The following CRIM1 variants were observed in gnomAD, a reference collection of about 807,000 sequenced individuals.
The protein encoded by CRIM1 is cysteine rich transmembrane BMP regulator 1.
Under a neutral mutation model 116.4 loss-of-function variants are expected in CRIM1, and 32 were observed. That is an observed-to-expected ratio of 0.27 (90% CI 0.21 to 0.37). CRIM1 has a LOEUF of 0.37. Ranked by LOEUF, CRIM1 falls within the 10% of genes least tolerant of loss-of-function variation. The pLI is 1.00. For missense variants in CRIM1, 1,331 were observed against 1,354.8 expected (o/e 0.98, Z 0.28); for synonymous variants, 590 against 509.2 (o/e 1.16, Z -2.13).
At chr2:36,458,218 C>T (rs574858243) in intron 4 of CRIM1, among the ~76,000 whole-genome samples, 1 of 152,266 alleles carries the variant, frequency 6.6e-6, no homozygotes, top group South Asian at 2.1e-4. Flanking sequence ...CGAGCTGCCT[C>T]CTCTGCAGAA....
intron 2 of CRIM1, among the ~76,000 whole-genome samples, chr2:36,402,394 A>G (rs1160568226): frequency 6.6e-6 from 1 of 150,544 alleles, no homozygotes; most frequent in African/African-American, 2.4e-5. Flanking sequence ...AGGAGAGAAC[A>G]AGCTTGGTGT....
chr2:36,512,442 C>A, intron 10 of CRIM1, 48 bp downstream of exon 10: 3 of 1,558,700 alleles, frequency 1.9e-6, no homozygotes, highest in Admixed American at 1.7e-5. Flanking sequence ...CCAGGGGCAC[C>A]GAAACAAGGA....
At chr2:36,444,289 G>T (rs555995174) in intron 4 of CRIM1, among the ~76,000 whole-genome samples, 2 of 152,194 alleles carry the variant, frequency 1.3e-5, no homozygotes, top group Non-Finnish European at 2.9e-5. Context: ...CTACAGGAAG[G>T]TATATTTAGT....
chr2:36,446,332 T>C (rs1676240906), intron 4 of CRIM1, among the ~76,000 whole-genome samples: 1 of 152,220 alleles, frequency 6.6e-6, no homozygotes, highest in African/African-American at 2.4e-5. Context: ...TTGTATGTTT[T>C]CAGTTGATTC....
rs1467617334 is a variant in CRIM1, at chr2:36,355,837, C to G, written c.-456C>G. ...CCGCGGATCTTGTGCTGCGCCACCGCGCCCACTCGGCAGCTCGGGAGGCGG... is the reference window on the plus strand; with the variant it reads ...CCGCGGATCTTGTGCTGCGCCACCGGGCCCACTCGGCAGCTCGGGAGGCGG... On this transcript the variant is annotated 5_prime_UTR_variant, in exon 1 of 17. Coordinates refer to ENST00000280527, the MANE Select transcript of CRIM1 (RefSeq NM_016441.3). 1.3e-5 allele frequency: 2 copies of G among 151,402 alleles called. No homozygotes were observed. Among genetic ancestry groups the G allele is most frequent in the Non-Finnish European group, 2.9e-5 (2 of 67,908 alleles). 9.4% of individuals were successfully genotyped at this position (151,402 alleles called of 1,614,324 possible). A position where few individuals can be genotyped will look rare whatever the true frequency, so the allele number is the denominator to read the frequency against.
At chr2:36,524,415 C>T (rs1665617350) in intron 13 of CRIM1, among the ~76,000 whole-genome samples, 1 of 152,058 alleles carries the variant, frequency 6.6e-6, no homozygotes, top group Non-Finnish European at 1.5e-5. Flanking sequence ...AGCCAATATC[C>T]CCATAGTTAT....
chr2:36,477,314 C>T (rs1040153377), intron 6 of CRIM1, among the ~76,000 whole-genome samples: 3 of 152,112 alleles, frequency 2.0e-5, no homozygotes, highest in Non-Finnish European at 4.4e-5. Context: ...CCACAGGCAA[C>T]GTGAGATGTC....
In CRIM1 at chr2:36,479,549, C is replaced by T; in HGVS notation, c.1227C>T (p.Ile409=). The change falls in exon 7 of 17, where the codon ATC becomes ATT. Residue 409 remains isoleucine (I), a synonymous_variant. Transcript: ENST00000280527. ...CTGGCTGCTATGCCAATGGCCTGATCCTTGCCCACGGAGACCGGTGGCGGG... is the reference window on the plus strand; with the variant it reads ...CTGGCTGCTATGCCAATGGCCTGATTCTTGCCCACGGAGACCGGTGGCGGG... ...NPAGCYANGL[I]LAHGDRWRED... 6.2e-7 allele frequency: 1 copy of T among 1,614,226 alleles called. No homozygotes were observed. The highest frequency in any genetic ancestry group is 8.5e-7 in the Non-Finnish European group (1 of 1,180,042).
At chr2:36,489,819 G>C (rs908349543) in intron 7 of CRIM1, among the ~76,000 whole-genome samples, 1 of 152,104 alleles carries the variant, frequency 6.6e-6, no homozygotes, top group African/African-American at 2.4e-5. Flanking sequence ...GAAGAACAGG[G>C]GCCAGGCACA....
intron 6 of CRIM1, 116 bp from the exon 7 acceptor site, chr2:36,479,381 A>G (rs1038037655): frequency 1.0e-6 from 1 of 955,028 alleles, no homozygotes; most frequent in Non-Finnish European, 1.6e-6. Flanking sequence ...TCTGTTGATC[A>G]CAGTGGGAAT....
chr2:36,412,723 A>T (rs1023440240), intron 2 of CRIM1, among the ~76,000 whole-genome samples: 4 of 152,112 alleles, frequency 2.6e-5, no homozygotes, highest in African/African-American at 9.7e-5. Flanking sequence ...ATACATCTTA[A>T]ATTTATATAT....
intron 2 of CRIM1, among the ~76,000 whole-genome samples, chr2:36,409,596 T>C (rs1197624494): frequency 1.3e-5 from 2 of 152,194 alleles, no homozygotes; most frequent in East Asian, 1.9e-4. Context: ...CAAGGAGTTA[T>C]AATGAGGGTA....
At chr2:36,543,245 C>G (rs1013022441) in intron 14 of CRIM1, among the ~76,000 whole-genome samples, 2 of 152,032 alleles carry the variant, frequency 1.3e-5, no homozygotes, top group African/African-American at 4.8e-5. Context: ...GGTTTCTTTC[C>G]CTGGCTGGGT....
At chr2:36,378,180 G>A (rs1670462774) in intron 1 of CRIM1, among the ~76,000 whole-genome samples, 1 of 152,166 alleles carries the variant, frequency 6.6e-6, no homozygotes. Flanking sequence ...TAGCCTACTG[G>A]GCTTCTGTGT....
At position 36,356,666 on chromosome 2, in the gene CRIM1, C is replaced by A. The variant is rs1668829746; in HGVS notation, c.331+43C>A. 3 of 1,556,806 alleles carry A rather than the reference C, an allele frequency of 1.9e-6. No homozygotes were observed. Among genetic ancestry groups the A allele is most frequent in the Non-Finnish European group, 2.6e-6 (3 of 1,151,194 alleles). ...GGGCCCCCTCCCACCTGGCCTGCGC[C>A]GCCCCCTCGGCGCTGGTTGTGCCGA... On this transcript the variant is annotated intron_variant, in intron 1 of 16. Transcript: ENST00000280527. This position sits in a 1 kb window ranked among gnomAD's most constrained non-coding sequence, Gnocchi z 4.3.
chr2:36,375,834 A>C (rs760228409), intron 1 of CRIM1, among the ~76,000 whole-genome samples: 2 of 152,260 alleles, frequency 1.3e-5, no homozygotes, highest in Non-Finnish European at 2.9e-5. Flanking sequence ...CAAATTTAAC[A>C]GTTCAACCTT....
intron 2 of CRIM1, among the ~76,000 whole-genome samples, chr2:36,424,622 C>G (rs2124874594): frequency 6.6e-6 from 1 of 152,326 alleles, no homozygotes. Context: ...CTTTTAGTCT[C>G]TACTCCCAAC....
rs79652882 is a variant in CRIM1 at position 36,452,914 on chromosome 2, G to A, written c.869+10179G>A. 1.1e-3 allele frequency among the ~76,000 whole-genome samples: 171 copies of A among 152,262 alleles called. 1 individual carries two copies. In the Middle Eastern group the frequency reaches 0.034, roughly 30 times the overall value. On this transcript the variant is annotated intron_variant, in intron 4 of 16. Transcript: ENST00000280527. ...TAAAGTTGAAAGCGGAATCCACAGC[G>A]TGATAATATTGAAACTCAGAGGTCT...
intron 7 of CRIM1, among the ~76,000 whole-genome samples, chr2:36,489,786 G>T (rs530742997): frequency 3.0e-4 from 45 of 152,164 alleles, no homozygotes; most frequent in Non-Finnish European, 6.2e-4. Flanking sequence ...TAAAGATCTA[G>T]CAAGGCCCCC....
Sources: allele counts gnomAD v4.1 joint callset (sites outside exome capture counted in the v4.1 genomes callset), GRCh38; gene constraint gnomAD v4.1.1; non-coding constraint Gnocchi (gnomAD v3.1); transcripts MANE v1.5; gene names NCBI Gene and HGNC (gene_info 2026-07-23, HGNC 2026-07-21).